LY86: variants seen among roughly 807,000 people sequenced by gnomAD.
LY86 encodes the protein lymphocyte antigen 86.
In LY86, 20 loss-of-function variants were observed where a neutral mutation model predicts 17.3. The ratio of observed to expected loss-of-function variants is 1.15; its 90% CI spans 0.81 to 1.68. The LOEUF is 1.68. Ranked by LOEUF, LY86 falls within the 40% of genes most tolerant of loss-of-function variation. The probability of loss-of-function intolerance (pLI) is 0.00; values close to 1 mark genes in which losing one functional copy is unlikely to be tolerated. For synonymous variants in LY86, 74 were observed against 70.6 expected, an observed-to-expected ratio of 1.05 and a Z score of -0.24; for missense variants, 200 against 191.9, an observed-to-expected ratio of 1.04 and a Z score of -0.25.
intron 1 of LY86, among the ~76,000 whole-genome samples, chr6:6,601,028 G>C (rs1169053228): frequency 6.6e-6 from 1 of 152,170 alleles, no homozygotes; most frequent in Non-Finnish European, 1.5e-5. Flanking sequence ...ATACCTGAGG[G>C]GAAAACTGCC....
intron 1 of LY86, among the ~76,000 whole-genome samples, chr6:6,618,752 A>G (rs2113131507): frequency 6.6e-6 from 1 of 152,364 alleles, no homozygotes; most frequent in African/African-American, 2.4e-5. Context: ...TGCTGGCATA[A>G]GAGAGTCAAA....
At chr6:6,632,914 C>A (rs915858396) in intron 3 of LY86, among the ~76,000 whole-genome samples, 1 of 152,128 alleles carries the variant, frequency 6.6e-6, no homozygotes, top group South Asian at 2.1e-4. Context: ...TCACCAGCAC[C>A]ACACATGAGA....
At chr6:6,597,335 G>T (rs1026447618) in intron 1 of LY86, among the ~76,000 whole-genome samples, 1 of 152,202 alleles carries the variant, frequency 6.6e-6, no homozygotes, top group Non-Finnish European at 1.5e-5. Context: ...GTGGACAGAG[G>T]TTGTCGATCC....
intron 3 of LY86, among the ~76,000 whole-genome samples, chr6:6,642,180 C>A (rs1349844155): frequency 6.6e-6 from 1 of 152,254 alleles, no homozygotes; most frequent in Non-Finnish European, 1.5e-5. Context: ...TGGGATTCAG[C>A]CCAGTCCTTG....
At chr6:6,609,468 T>C (rs1184142784) in intron 1 of LY86, among the ~76,000 whole-genome samples, 2 of 152,242 alleles carry the variant, frequency 1.3e-5, no homozygotes, top group Non-Finnish European at 2.9e-5. Context: ...ACCCTGGAGA[T>C]ACTGGATCTC....
intron 1 of LY86, among the ~76,000 whole-genome samples, chr6:6,624,515 C>G (rs1761749100): frequency 6.6e-6 from 1 of 152,056 alleles, no homozygotes; most frequent in African/African-American, 2.4e-5. Context: ...TCAAGCTCTC[C>G]TAACTTTTGT....
At position 6,649,631 on chromosome 6, in the gene LY86, T is replaced by C. The variant is rs766854584; in HGVS notation, c.359T>C (p.Ile120Thr). 2 of 1,562,388 alleles carry C rather than the reference T, an allele frequency of 1.3e-6. No homozygotes were observed. The highest frequency in any genetic ancestry group is 1.1e-5 in the South Asian group (1 of 87,334). The change falls in exon 4 of 5, where the codon ATT (isoleucine) becomes ACT (threonine). Residue 120 changes from isoleucine (I) to threonine (T), a missense_variant. Ile to Thr is a moderately conservative substitution (Grantham distance 89). Coordinates refer to ENST00000230568, the MANE Select transcript of LY86 (RefSeq NM_004271.4). ...SFCGRRKGEQ[I>T]YYAGPVNNPE... ...GCTTTATATATTTTTTCAGAGCAGATTTACTATGCTGGGCCTGTCAATAAT... is the reference window on the plus strand; with the variant it reads ...GCTTTATATATTTTTTCAGAGCAGACTTACTATGCTGGGCCTGTCAATAAT...
chr6:6,607,574 A>G (rs12664299), intron 1 of LY86, among the ~76,000 whole-genome samples: 14,430 of 152,236 alleles, frequency 0.095, 751 homozygotes, highest in South Asian at 0.15. Context: ...TAAAGAAAGA[A>G]AACCCAAAAT....
chr6:6,629,243 G>A (rs767807359), intron 3 of LY86, among the ~76,000 whole-genome samples: 2 of 152,216 alleles, frequency 1.3e-5, no homozygotes, highest in Non-Finnish European at 2.9e-5. Flanking sequence ...TCAGAAAAGT[G>A]ATATACAAAT....
intron 1 of LY86, among the ~76,000 whole-genome samples, chr6:6,622,456 A>T (rs1215891144): frequency 1.3e-5 from 2 of 152,218 alleles, no homozygotes; most frequent in Admixed American, 1.3e-4. Flanking sequence ...AGGATGTAGC[A>T]GGAACTATCG....
rs1762046344 is a variant in LY86, at chr6:6,641,945, C to T, written c.353-7680C>T. ...CTCAGCAACCCCTGGGGAACCGCAGCGTGTGCCTCAGAATTGTCCTTCTCA... is the reference window on the plus strand; with the variant it reads ...CTCAGCAACCCCTGGGGAACCGCAGTGTGTGCCTCAGAATTGTCCTTCTCA... On this transcript the variant is annotated intron_variant, in intron 3 of 4. Coordinates refer to ENST00000230568, the MANE Select transcript of LY86 (RefSeq NM_004271.4). Among the ~76,000 whole-genome samples, 9 of 152,360 alleles carry T rather than the reference C, an allele frequency of 5.9e-5. No homozygotes were observed. The South Asian group carries it at 1.7e-3, about 28-fold the overall frequency.
intron 1 of LY86, among the ~76,000 whole-genome samples, chr6:6,595,302 AAGGAGG>A (rs780179281): frequency 2.3e-5 from 3 of 127,664 alleles, no homozygotes; most frequent in Non-Finnish European, 3.3e-5. Context: ...AGAAGAGGAG[AAGGAGG>A]AGGAGGTGGA....
At chr6:6,596,540 A>G (rs1387141568) in intron 1 of LY86, among the ~76,000 whole-genome samples, 1 of 152,268 alleles carries the variant, frequency 6.6e-6, no homozygotes, top group Non-Finnish European at 1.5e-5. Flanking sequence ...AAAAGTAGAC[A>G]AATAGCTAGA....
rs1413598839 is a variant in LY86 at position 6,593,416 on chromosome 6, A to AG, written c.136+4547dup. ...CACATCTGCAAAGTCTCTTTTGCCAAGTAAGATAAGATTCACATGTTCCAG... is the reference window on the plus strand; with the variant it reads ...CACATCTGCAAAGTCTCTTTTGCCAAGGTAAGATAAGATTCACATGTTCCAG... On this transcript the variant is annotated intron_variant, in intron 1 of 4. Coordinates refer to ENST00000230568, the MANE Select transcript of LY86 (RefSeq NM_004271.4). 2.3e-5 allele frequency among the ~76,000 whole-genome samples: 3 copies of AG among 132,736 alleles called. No homozygotes were observed. In the Admixed American group the frequency reaches 2.4e-4, roughly 10 times the overall value. 87.1% of individuals were successfully genotyped at this position (132,736 alleles called of 152,430 possible).
intron 1 of LY86, among the ~76,000 whole-genome samples, chr6:6,607,386 G>A (rs929326057): frequency 3.9e-5 from 6 of 152,132 alleles, no homozygotes; most frequent in African/African-American, 1.4e-4. Context: ...AGGAAAAAGA[G>A]AAGTTTATTT....
At position 6,605,233 on chromosome 6, in the gene LY86, C is replaced by T. The variant is rs1020526903; in HGVS notation, c.136+16363C>T. On this transcript the variant is annotated intron_variant, in intron 1 of 4. Transcript: ENST00000230568. ...TTTCTATTTCTGCATAACAAATACC[C>T]TAAAATTTGGCAGTTAAAAACAATA... Among the ~76,000 whole-genome samples the T allele has an allele frequency of 2.0e-5, 3 of 152,150 alleles. No homozygotes were observed. In the East Asian group the frequency reaches 5.8e-4, roughly 29 times the overall value.
At chr6:6,636,040 G>T (rs975493817) in intron 3 of LY86, among the ~76,000 whole-genome samples, 2 of 152,208 alleles carry the variant, frequency 1.3e-5, no homozygotes, top group African/African-American at 4.8e-5. Context: ...CCGGAGCCCA[G>T]GTTCAACCAC....
chr6:6,599,454 A>G (rs1760828742), intron 1 of LY86, among the ~76,000 whole-genome samples: 1 of 152,220 alleles, frequency 6.6e-6, no homozygotes, highest in Non-Finnish European at 1.5e-5. Flanking sequence ...GGCTAGGGAT[A>G]AGAGGGAAGC....
intron 1 of LY86, among the ~76,000 whole-genome samples, chr6:6,601,410 A>G (rs1210377991): frequency 6.6e-6 from 1 of 152,220 alleles, no homozygotes; most frequent in Non-Finnish European, 1.5e-5. Flanking sequence ...GCTGCAATAT[A>G]CAATAGAAAG....
Sources: gnomAD v4.1 joint callset for allele counts (sites outside exome capture counted in the v4.1 genomes callset) on GRCh38, gnomAD v4.1.1 for gene constraint, MANE v1.5 for transcripts, NCBI Gene and HGNC (gene_info 2026-07-23, HGNC 2026-07-21) for gene names.